Variants in EPHA6 observed in about 807,000 individuals in gnomAD.
EPHA6 encodes EPH receptor A6.
EPHA6 carries 50 observed loss-of-function variants against 112.0 expected under a neutral mutation model. The ratio of observed to expected loss-of-function variants is 0.45; its 90% CI spans 0.36 to 0.56. The LOEUF (loss-of-function observed/expected upper bound fraction) is 0.56, where lower values mean the gene tolerates loss of function less well. EPHA6 is among the 20% of genes least tolerant of loss of function. The probability of loss-of-function intolerance (pLI) is 0.00; values close to 1 mark genes in which losing one functional copy is unlikely to be tolerated. For missense variants in EPHA6, 1,280 were observed against 1,417.4 expected, an observed-to-expected ratio of 0.90 and a Z score of 1.56; for synonymous variants, 529 against 490.7, an observed-to-expected ratio of 1.08 and a Z score of -1.03.
intron 1 of EPHA6, among the ~76,000 whole-genome samples, chr3:96,859,045 T>C (rs950996869): frequency 6.6e-6 from 1 of 152,114 alleles, no homozygotes; most frequent in African/African-American, 2.4e-5. Context: ...GCTTACACTA[T>C]ACTGCTTTTC....
At chr3:97,194,599 A>G (rs530667258) in intron 3 of EPHA6, among the ~76,000 whole-genome samples, 2 of 150,808 alleles carry the variant, frequency 1.3e-5, no homozygotes, top group South Asian at 4.2e-4. Flanking sequence ...TCAGCAGTGT[A>G]GATTGAGTCC....
intron 5 of EPHA6, among the ~76,000 whole-genome samples, chr3:97,388,275 T>C (rs896495935): frequency 2.6e-5 from 4 of 152,176 alleles, no homozygotes; most frequent in Non-Finnish European, 5.9e-5. Context: ...ATTGAAACCA[T>C]GCTTATTGCA....
intron 3 of EPHA6, among the ~76,000 whole-genome samples, chr3:97,006,931 C>A (rs1428357948): frequency 6.6e-6 from 1 of 152,118 alleles, no homozygotes; most frequent in Non-Finnish European, 1.5e-5. Context: ...GTTTCTTAAT[C>A]CTGAGTTCTA....
chr3:97,357,122 A>G (rs1296697554), intron 5 of EPHA6, among the ~76,000 whole-genome samples: 1 of 152,170 alleles, frequency 6.6e-6, no homozygotes, highest in African/African-American at 2.4e-5. Flanking sequence ...TAACAGTTGC[A>G]TGGAATATCT....
chr3:97,635,764 C>T (rs2093939542), intron 13 of EPHA6, among the ~76,000 whole-genome samples: 1 of 152,036 alleles, frequency 6.6e-6, no homozygotes, highest in Non-Finnish European at 1.5e-5. Flanking sequence ...AAGGTAAAAA[C>T]TCAATTGTAT....
At chr3:97,408,047 A>G (rs2087472866) in intron 6 of EPHA6, among the ~76,000 whole-genome samples, 1 of 152,090 alleles carries the variant, frequency 6.6e-6, no homozygotes. Flanking sequence ...CCTCATTTCT[A>G]ACATGGCTCC....
intron 5 of EPHA6, among the ~76,000 whole-genome samples, chr3:97,348,173 G>A (rs2083627927): frequency 6.6e-6 from 1 of 152,194 alleles, no homozygotes; most frequent in East Asian, 1.9e-4. Flanking sequence ...TATAAAGAAT[G>A]TAATGCCATA....
At chr3:97,255,759 T>C (rs2079290120) in intron 5 of EPHA6, among the ~76,000 whole-genome samples, 1 of 152,168 alleles carries the variant, frequency 6.6e-6, no homozygotes, top group African/African-American at 2.4e-5. Context: ...TGTAGCAGTT[T>C]ATGTTAAAAT....
intron 3 of EPHA6, among the ~76,000 whole-genome samples, chr3:97,101,782 A>T (rs1336935340): frequency 6.6e-6 from 1 of 152,116 alleles, no homozygotes. Context: ...CCTGAGTTTA[A>T]TGCAAAAGAT....
chr3:97,461,921 C>G (rs184646163), intron 7 of EPHA6, among the ~76,000 whole-genome samples: 2 of 152,246 alleles, frequency 1.3e-5, no homozygotes, highest in Non-Finnish European at 2.9e-5. Context: ...CCCATTCCAG[C>G]AATATCACCT....
intron 3 of EPHA6, among the ~76,000 whole-genome samples, chr3:97,158,077 G>A (rs528928853): frequency 2.0e-5 from 3 of 152,094 alleles, no homozygotes; most frequent in Non-Finnish European, 2.9e-5. Context: ...CAGTTATCCT[G>A]TGTACAACCA....
intron 3 of EPHA6, among the ~76,000 whole-genome samples, chr3:97,169,117 A>G (rs560643378): frequency 2.6e-5 from 4 of 152,184 alleles, no homozygotes; most frequent in Admixed American, 6.5e-5. Context: ...AATGTAGTCA[A>G]TTTTTCCTTC....
intron 5 of EPHA6, among the ~76,000 whole-genome samples, chr3:97,334,774 T>C (rs2082978971): frequency 6.6e-6 from 1 of 152,200 alleles, no homozygotes; most frequent in Non-Finnish European, 1.5e-5. Flanking sequence ...CTTTAAGTTG[T>C]TGAAAATGTA....
At chr3:97,297,975 A>C (rs1286294781) in intron 5 of EPHA6, among the ~76,000 whole-genome samples, 1 of 151,892 alleles carries the variant, frequency 6.6e-6, no homozygotes, top group African/African-American at 2.4e-5. Flanking sequence ...TGTTGGTCAG[A>C]ATGGTCTCGA....
chr3:97,327,459 A>G (rs2082489563), intron 5 of EPHA6, among the ~76,000 whole-genome samples: 1 of 151,750 alleles, frequency 6.6e-6, no homozygotes, highest in Non-Finnish European at 1.5e-5. Context: ...AACTTTCCCT[A>G]CTTTTACTTG....
At chr3:97,015,650 A>C (rs1355919142) in intron 3 of EPHA6, among the ~76,000 whole-genome samples, 6 of 152,200 alleles carry the variant, frequency 3.9e-5, no homozygotes, top group Non-Finnish European at 4.4e-5. Context: ...CAAAAGGGAC[A>C]CATTAAAATA....
At chr3:97,612,087 T>C (rs1425247080) in intron 13 of EPHA6, among the ~76,000 whole-genome samples, 1 of 152,046 alleles carries the variant, frequency 6.6e-6, no homozygotes, top group Non-Finnish European at 1.5e-5. Flanking sequence ...TCAGAGGTGT[T>C]TGGGGACATG....
intron 3 of EPHA6, among the ~76,000 whole-genome samples, chr3:97,209,125 A>G (rs2108510679): frequency 6.6e-6 from 1 of 152,334 alleles, no homozygotes; most frequent in East Asian, 1.9e-4. Context: ...CCAGTGAATT[A>G]GCACACACAG....
intron 3 of EPHA6, among the ~76,000 whole-genome samples, chr3:97,041,232 T>A (rs1312807106): frequency 6.6e-6 from 1 of 152,124 alleles, no homozygotes; most frequent in East Asian, 1.9e-4. Context: ...CACCTTTTTT[T>A]AGAGCATTTA....
Sources: gnomAD v4.1 joint callset for allele counts (sites outside exome capture counted in the v4.1 genomes callset) on GRCh38, gnomAD v4.1.1 for gene constraint, MANE v1.5 for transcripts, NCBI Gene and HGNC (gene_info 2026-07-23, HGNC 2026-07-21) for gene names.